The following PLXNA4 variants were observed in gnomAD, a reference collection of about 807,000 sequenced individuals.
PLXNA4 encodes plexin-A4.
In PLXNA4, 44 loss-of-function variants were observed where a neutral mutation model predicts 191.8. That is an observed-to-expected ratio of 0.23 (90% CI 0.18 to 0.29). The LOEUF (loss-of-function observed/expected upper bound fraction) is 0.29, where lower values mean the gene tolerates loss of function less well. Ranked by LOEUF, PLXNA4 falls within the 10% of genes least tolerant of loss-of-function variation. The pLI, the probability that PLXNA4 is intolerant of heterozygous loss-of-function variation, is 1.00. For synonymous variants in PLXNA4, 1,082 were observed against 1,009.5 expected, an observed-to-expected ratio of 1.07 and a Z score of -1.36; for missense variants, 1,800 against 2,488.8, an observed-to-expected ratio of 0.72 and a Z score of 5.89.
At position 132,576,403 on chromosome 7, in the gene PLXNA4, C is replaced by T; in HGVS notation, c.-87+19G>A. On this transcript the variant is annotated intron_variant, in intron 1 of 31. Transcript: ENST00000321063. The surrounding 1 kb of genome is among the most constrained non-coding windows in gnomAD (Gnocchi z 5.8). ...TCGCCGCCCGCCCGGCCCCACTCCC[C>T]GGCGGGCCGGCTCCTTACCTGGACG... 2 of 985,818 alleles carry T rather than the reference C, an allele frequency of 2.0e-6. No individual in the cohort carries two copies. Among genetic ancestry groups the T allele is most frequent in the Non-Finnish European group, 2.4e-6 (2 of 829,990 alleles). The allele number at this position is 985,818 out of a possible 1,614,324, so 61.1% of individuals were successfully genotyped here. A position where few individuals can be genotyped will look rare whatever the true frequency, so the allele number is the denominator to read the frequency against.
At chr7:132,380,393 C>A (rs1345899596) in intron 3 of PLXNA4, among the ~76,000 whole-genome samples, 1 of 152,104 alleles carries the variant, frequency 6.6e-6, no homozygotes, top group Non-Finnish European at 1.5e-5. Context: ...CTTGGCTCAC[C>A]CTGCCTGGTC....
chr7:132,185,344 T>A lies in PLXNA4; in HGVS notation c.3113A>T (p.Glu1038Val), dbSNP rs766688960. Residue 1038 changes from glutamate (E) to valine (V), a missense_variant, in exon 16 of 32, where the codon GAA becomes GTA. This residue lies in a region of PLXNA4 where 1,397 missense variants were observed against 1,880.4 expected (regional missense o/e 0.74). Transcript: ENST00000321063. Reference protein sequence around the residue: ...IHQDLVFQYVEDPTIVRIEPE... With the variant: ...IHQDLVFQYVVDPTIVRIEPE... The stretch of plus-strand genomic sequence containing the variant: ...CTCAATCCGCACGATGGTGGGGTCT[T>A]CCACATACTGAAAGACCAGGTCCTG... The A allele has an allele frequency of 8.7e-6, 14 of 1,613,944 alleles. No homozygotes were observed. Among genetic ancestry groups the A allele is most frequent in the Non-Finnish European group, 5.9e-6 (7 of 1,180,004 alleles).
chr7:132,135,393 C>T lies in PLXNA4; in HGVS notation c.5439-2194G>A, dbSNP rs907006633. ...ACACAACTGTCATCAAAAGCAAAGA[C>T]TCCTGTAATTTCTCTCACCAGCTGT... On this transcript the variant is annotated intron_variant, in intron 30 of 31. Coordinates refer to ENST00000321063, the MANE Select transcript of PLXNA4 (RefSeq NM_020911.2). 6.2e-4 allele frequency among the ~76,000 whole-genome samples: 94 copies of T among 152,198 alleles called. 1 individual carries two copies. The highest frequency in any genetic ancestry group is 3.8e-4 in the Non-Finnish European group (26 of 68,040).
chr7:132,158,905 T>C (rs1347919082), intron 25 of PLXNA4, among the ~76,000 whole-genome samples: 1 of 152,228 alleles, frequency 6.6e-6, no homozygotes, highest in Non-Finnish European at 1.5e-5. Flanking sequence ...GGCTGGGAGA[T>C]ATATTCATGT....
chr7:132,307,645 C>T (rs1025885882), intron 3 of PLXNA4, among the ~76,000 whole-genome samples: 1 of 152,024 alleles, frequency 6.6e-6, no homozygotes, highest in African/African-American at 2.4e-5. Flanking sequence ...GCCCGCGTGG[C>T]CGGTAGGTGC....
intron 3 of PLXNA4, among the ~76,000 whole-genome samples, chr7:132,308,735 G>A (rs62465031): frequency 0.018 from 2,733 of 152,256 alleles, 39 homozygotes; most frequent in Middle Eastern, 0.051. Context: ...TATTGTGCAA[G>A]TATGATAATG....
rs563199413 is a variant in PLXNA4, at chr7:132,171,256, C to G, written c.4018-2684G>C. Among the ~76,000 whole-genome samples, 4 of 152,352 alleles carry G rather than the reference C, an allele frequency of 2.6e-5. No homozygotes were observed. The East Asian group carries it at 5.8e-4, about 22-fold the overall frequency. On this transcript the variant is annotated intron_variant, in intron 21 of 31. Transcript: ENST00000321063. ...CATTACACACATTGTTTCAATGAGGCCTTCTAATGATCTTGCAAAACTGAG... is the reference window on the plus strand; with the variant it reads ...CATTACACACATTGTTTCAATGAGGGCTTCTAATGATCTTGCAAAACTGAG...
rs1222677929 is a variant in PLXNA4, at chr7:132,185,388, C to T, written c.3069G>A (p.Val1023=). The change falls in exon 16 of 32, where the codon GTG becomes GTA. Residue 1023 remains valine, a synonymous_variant. Coordinates refer to ENST00000321063, the MANE Select transcript of PLXNA4 (RefSeq NM_020911.2). ...GGTCCTGGTGGATCTTGGCCCTGTCCACCTGCACCGACACCTTCATCTCTA... is the reference window on the plus strand; with the variant it reads ...GGTCCTGGTGGATCTTGGCCCTGTCTACCTGCACCGACACCTTCATCTCTA... The part of the protein sequence containing the change: ...EVLEMKVSVQ[V]DRAKIHQDLV... 6 of 1,614,118 alleles carry T rather than the reference C, an allele frequency of 3.7e-6. No homozygotes were observed. The highest frequency in any genetic ancestry group is 2.2e-5 in the East Asian group (1 of 44,868).
chr7:132,385,980 T>TA (rs1805120351), intron 3 of PLXNA4, among the ~76,000 whole-genome samples: 1 of 152,228 alleles, frequency 6.6e-6, no homozygotes, highest in South Asian at 2.1e-4. Context: ...AACACATGGT[T>TA]ATTCAATATC....
rs771291757 is a variant in PLXNA4 at position 132,133,054 on chromosome 7, C to T, written c.5584G>A (p.Glu1862Lys). The T allele has an allele frequency of 1.5e-5, 24 of 1,613,644 alleles. 1 individual carries two copies. Among genetic ancestry groups the T allele is most frequent in the East Asian group, 6.7e-5 (3 of 44,876 alleles). ...TGGAGCAGGGCAAAGCTTACCTCCT[C>T]GCTGTATTTGCCCACATAGGAGAAG... is the stretch of plus-strand genomic sequence containing the variant. Reference protein sequence around the residue: ...EIFSYVGKYSEEILGPLDHDD... With the variant: ...EIFSYVGKYSKEILGPLDHDD... The change falls in exon 31 of 32, where the codon GAG becomes AAG. Residue 1862 changes from glutamate (E) to lysine (K), a missense_variant. Transcript: ENST00000321063.
In PLXNA4 at chr7:132,342,117, C is replaced by T. The variant is rs186823676; in HGVS notation, c.1372-43895G>A. ...CATCAATCTGGCTTCAAGGAGACCA[C>T]CTAAGCCAGCTCTGTCTCTTACTAT... is the stretch of plus-strand genomic sequence containing the variant. On this transcript the variant is annotated intron_variant, in intron 3 of 31. Transcript: ENST00000321063. 2.4e-3 allele frequency among the ~76,000 whole-genome samples: 359 copies of T among 151,664 alleles called. 1 individual carries two copies. The highest frequency in any genetic ancestry group is 4.8e-3 in the Admixed American group (73 of 15,212).
At chr7:132,170,010 C>G (rs1796237178) in intron 21 of PLXNA4, among the ~76,000 whole-genome samples, 1 of 151,904 alleles carries the variant, frequency 6.6e-6, no homozygotes. Flanking sequence ...CTTGAGGGCT[C>G]TGTCTCCCCA....
intron 23 of PLXNA4, 37 bp downstream of exon 23, chr7:132,165,097 G>A (rs749888915): frequency 8.7e-6 from 14 of 1,603,034 alleles, no homozygotes; most frequent in Middle Eastern, 3.3e-4. Context: ...GAGAATGAAC[G>A]AGGCAAGGCC....
intron 3 of PLXNA4, among the ~76,000 whole-genome samples, chr7:132,435,223 G>A (rs1356029353): frequency 1.3e-5 from 2 of 151,968 alleles, no homozygotes; most frequent in Non-Finnish European, 2.9e-5. Context: ...TGTCAGCTGC[G>A]GGTCCACAAA....
rs534077724 is a variant in PLXNA4, at chr7:132,309,573, C to T, written c.1372-11351G>A. On this transcript the variant is annotated intron_variant, in intron 3 of 31. Transcript: ENST00000321063. ...TGTTGCAGTGACAAAGGGGTTAATG[C>T]CTGCGAGACAATGAGGACTGGGAAC... 6.6e-4 allele frequency among the ~76,000 whole-genome samples: 101 copies of T among 152,240 alleles called. No homozygotes were observed. In the South Asian group the frequency reaches 6.6e-3, roughly 10 times the overall value.
chr7:132,190,138 C>T (rs1797040999), intron 14 of PLXNA4, among the ~76,000 whole-genome samples: 1 of 152,238 alleles, frequency 6.6e-6, no homozygotes, highest in Admixed American at 6.5e-5. Context: ...TTTTGGTGCA[C>T]TAGACCTTAT....
chr7:132,443,057 G>A (rs780558541), intron 3 of PLXNA4, among the ~76,000 whole-genome samples: 2 of 152,122 alleles, frequency 1.3e-5, no homozygotes, highest in East Asian at 3.9e-4. Context: ...CCAACCAACC[G>A]AAGCCTGAGA....
At chr7:132,393,984 CT>C (rs768881083) in intron 3 of PLXNA4, among the ~76,000 whole-genome samples, 3,412 of 137,482 alleles carry the variant, frequency 0.025, 83 homozygotes, top group East Asian at 0.095. Context: ...ACCCCACCCT[CT>C]TTTTTTTTTT....
At chr7:132,395,080 C>T (rs1455546984) in intron 3 of PLXNA4, among the ~76,000 whole-genome samples, 1 of 152,214 alleles carries the variant, frequency 6.6e-6, no homozygotes, top group Non-Finnish European at 1.5e-5. Flanking sequence ...GTAGCCACCA[C>T]AGCTGCTGAT....
Sources: allele counts gnomAD v4.1 joint callset (sites outside exome capture counted in the v4.1 genomes callset), GRCh38; gene constraint gnomAD v4.1.1; regional missense constraint gnomAD v4.1.1; non-coding constraint Gnocchi (gnomAD v3.1); transcripts MANE v1.5; gene names NCBI Gene and HGNC (gene_info 2026-07-23, HGNC 2026-07-21).